The following NTM variants were observed in gnomAD, a reference collection of about 807,000 sequenced individuals.
The protein encoded by NTM is neurotrimin, also known as IgLON family member 2.
NTM carries 13 observed loss-of-function variants against 42.1 expected under a neutral mutation model. That is an observed-to-expected ratio of 0.31 (90% CI 0.20 to 0.49). The LOEUF (loss-of-function observed/expected upper bound fraction) is 0.49, where lower values mean the gene tolerates loss of function less well. Among genes scored for constraint, NTM ranks in the 20% least tolerant of loss-of-function variants. The pLI, the probability that NTM is intolerant of heterozygous loss-of-function variation, is 0.99. For missense variants in NTM, 373 were observed against 452.8 expected (o/e 0.82, Z 1.60); for synonymous variants, 187 against 179.2 (o/e 1.04, Z -0.35).
At chr11:132,048,773 T>G (rs1353264872) in intron 2 of NTM, among the ~76,000 whole-genome samples, 6 of 150,738 alleles carry the variant, frequency 4.0e-5, no homozygotes, top group African/African-American at 1.2e-4. Flanking sequence ...AACACAAAAC[T>G]AACAAAAACA....
At chr11:132,281,480 A>G (rs2093968914) in intron 4 of NTM, among the ~76,000 whole-genome samples, 1 of 152,232 alleles carries the variant, frequency 6.6e-6, no homozygotes, top group African/African-American at 2.4e-5. Context: ...ATACACAGAA[A>G]CATTTGTTCA....
intron 1 of NTM, among the ~76,000 whole-genome samples, chr11:131,431,641 T>C (rs1948661158): frequency 6.6e-6 from 1 of 152,208 alleles, no homozygotes; most frequent in African/African-American, 2.4e-5. Context: ...ACATCACTCA[T>C]GATTGCAGTA....
At chr11:131,867,542 G>A (rs2047349655) in intron 1 of NTM, among the ~76,000 whole-genome samples, 2 of 152,002 alleles carry the variant, frequency 1.3e-5, no homozygotes, top group African/African-American at 4.8e-5. Context: ...GTATCTGTGT[G>A]TGTGCGTGTT....
At chr11:131,598,744 TTTCTTTCTTTC>T (rs2060089123) in intron 1 of NTM, among the ~76,000 whole-genome samples, 1 of 78,470 alleles carries the variant, frequency 1.3e-5, no homozygotes, top group African/African-American at 4.6e-5. Flanking sequence ...TCTTTCTTTC[TTTCTTTCTTTC>T]TTCTTTCTTT....
intron 2 of NTM, among the ~76,000 whole-genome samples, chr11:131,946,147 A>G (rs577833795): frequency 6.6e-6 from 1 of 152,272 alleles, no homozygotes; most frequent in African/African-American, 2.4e-5. Context: ...GACGTTATAA[A>G]CAGGCCTGGG....
At chr11:132,209,605 G>A (rs1359552107) in intron 3 of NTM, among the ~76,000 whole-genome samples, 4 of 152,332 alleles carry the variant, frequency 2.6e-5, no homozygotes, top group South Asian at 2.1e-4. Flanking sequence ...AAAAGGAAAG[G>A]TGGGAACATG....
chr11:132,223,529 GC>G (rs2085583051), intron 4 of NTM, among the ~76,000 whole-genome samples: 1 of 152,094 alleles, frequency 6.6e-6, no homozygotes, highest in African/African-American at 2.4e-5. Flanking sequence ...CATCAACATA[GC>G]CACATGGTGA....
chr11:131,427,310 G>A (rs936564258), intron 1 of NTM, among the ~76,000 whole-genome samples: 3 of 152,134 alleles, frequency 2.0e-5, no homozygotes, highest in Non-Finnish European at 2.9e-5. Context: ...CTGTGAAAAT[G>A]TCTAGTCAGA....
intron 2 of NTM, among the ~76,000 whole-genome samples, chr11:131,974,891 A>G (rs186581031): frequency 1.5e-3 from 233 of 152,330 alleles, no homozygotes; most frequent in African/African-American, 5.4e-3. Flanking sequence ...GGAATAGTCT[A>G]AACTTTTGAA....
At chr11:131,636,449 C>T (rs2064397101) in intron 1 of NTM, among the ~76,000 whole-genome samples, 1 of 152,204 alleles carries the variant, frequency 6.6e-6, no homozygotes, top group African/African-American at 2.4e-5. Flanking sequence ...ACAGGCGTGG[C>T]ATCCTGAAAA....
At chr11:132,307,518 C>T (rs191201339) in intron 4 of NTM, 171 bp from the exon 5 acceptor site, 59 of 349,532 alleles carry the variant, frequency 1.7e-4, no homozygotes, top group African/African-American at 1.2e-3. Context: ...GTTGGTGGTG[C>T]GGAGGTGTAG....
At chr11:131,821,450 C>T (rs757998450) in intron 1 of NTM, among the ~76,000 whole-genome samples, 3 of 152,204 alleles carry the variant, frequency 2.0e-5, no homozygotes, top group Non-Finnish European at 4.4e-5. Context: ...TCGGTGGTCA[C>T]GCCAGCAAAC....
chr11:131,911,097 C>G, intron 1 of NTM: 1 of 1,153,116 alleles, frequency 8.7e-7, no homozygotes, highest in East Asian at 5.3e-5. Flanking sequence ...CCTTCTGGTA[C>G]CAAAGTGCTT....
intron 1 of NTM, among the ~76,000 whole-genome samples, chr11:131,500,573 A>T (rs1347116900): frequency 2.5e-5 from 1 of 39,742 alleles, no homozygotes; most frequent in African/African-American, 8.0e-5. Context: ...ATATATATAT[A>T]TATATTTTTT....
intron 2 of NTM, among the ~76,000 whole-genome samples, chr11:132,058,833 T>A (rs1311395066): frequency 2.0e-5 from 3 of 152,198 alleles, no homozygotes; most frequent in Non-Finnish European, 2.9e-5. Flanking sequence ...ATGCACAACC[T>A]GTGCATTTCA....
rs2066163438 is a variant in NTM at position 131,986,945 on chromosome 11, T to A, written c.167+75297T>A. Among the ~76,000 whole-genome samples the A allele has an allele frequency of 2.0e-5, 3 of 152,316 alleles. No individual in the cohort carries two copies. The South Asian group carries it at 6.2e-4, about 32-fold the overall frequency. ...AACATAATTATTAGGCAAAGAAGAT[T>A]ATATTGGTTAATTTATGATGTGTCA... is the stretch of plus-strand genomic sequence containing the variant. On this transcript the variant is annotated intron_variant, in intron 2 of 8. Transcript: ENST00000683400.
At chr11:131,789,910 C>T (rs375779866) in intron 1 of NTM, among the ~76,000 whole-genome samples, 21 of 138,174 alleles carry the variant, frequency 1.5e-4, no homozygotes, top group East Asian at 4.7e-4. Flanking sequence ...GAGCCGAGAT[C>T]GCGCCACTGC....
At chr11:131,411,412 C>T (rs1157710396) in intron 1 of NTM, among the ~76,000 whole-genome samples, 2 of 152,078 alleles carry the variant, frequency 1.3e-5, no homozygotes, top group African/African-American at 4.8e-5. Context: ...AGACAATAAT[C>T]TACCCTCAAC....
chr11:131,884,824 G>T (rs146052283), intron 1 of NTM, among the ~76,000 whole-genome samples: 1 of 152,176 alleles, frequency 6.6e-6, no homozygotes, highest in Non-Finnish European at 1.5e-5. Context: ...GAAGACAAAG[G>T]CTCTTTTGTA....
Sources: gnomAD v4.1 joint callset for allele counts (sites outside exome capture counted in the v4.1 genomes callset) on GRCh38, gnomAD v4.1.1 for gene constraint, MANE v1.5 for transcripts, NCBI Gene and HGNC (gene_info 2026-07-23, HGNC 2026-07-21) for gene names.